Variants in IGSF11 observed in about 807,000 individuals in gnomAD.
The protein encoded by IGSF11 is CXADR like 1.
In IGSF11, 22 loss-of-function variants were observed where a neutral mutation model predicts 41.0. The observed-to-expected ratio is 0.54, with a 90% CI of 0.38 to 0.77. IGSF11 has a LOEUF of 0.77. IGSF11 is among the 30% of genes least tolerant of loss of function. The probability of loss-of-function intolerance (pLI) is 0.00; values close to 1 mark genes in which losing one functional copy is unlikely to be tolerated. For synonymous variants in IGSF11, 219 were observed against 201.3 expected (o/e 1.09, Z -0.74); for missense variants, 444 against 530.8 (o/e 0.84, Z 1.61).
At chr3:119,092,959 G>A (rs776028247) in intron 1 of IGSF11, among the ~76,000 whole-genome samples, 6 of 152,166 alleles carry the variant, frequency 3.9e-5, no homozygotes, top group Non-Finnish European at 8.8e-5. Context: ...GTGAGCATAT[G>A]GCCTAGGTGT....
intron 1 of IGSF11, among the ~76,000 whole-genome samples, chr3:119,062,658 A>G (rs1003422566): frequency 1.3e-5 from 2 of 152,240 alleles, no homozygotes; most frequent in Non-Finnish European, 2.9e-5. Flanking sequence ...ACTATGGTTT[A>G]GCAAGGTGGC....
chr3:119,024,910 A>T (rs899044581), intron 1 of IGSF11, among the ~76,000 whole-genome samples: 3 of 152,054 alleles, frequency 2.0e-5, no homozygotes, highest in Non-Finnish European at 4.4e-5. Context: ...CTTTGAACTG[A>T]CCCCTTCCTG....
chr3:119,066,203 A>T (rs1942229218), intron 1 of IGSF11, among the ~76,000 whole-genome samples: 2 of 152,216 alleles, frequency 1.3e-5, no homozygotes, highest in Admixed American at 6.5e-5. Context: ...GGATGATCTT[A>T]TCTCAAAATT....
intron 1 of IGSF11, among the ~76,000 whole-genome samples, chr3:119,006,592 GT>G (rs1937517118): frequency 8.2e-6 from 1 of 121,830 alleles, no homozygotes; most frequent in African/African-American, 3.5e-5. Flanking sequence ...CATCTTTGTG[GT>G]TTTATCTACT....
Position 119,034,695 on chromosome 3 carries a change from G to A in IGSF11, c.-113C>T, listed in dbSNP as rs73185835. The A allele has an allele frequency of 1.3e-5, 18 of 1,385,728 alleles. No homozygotes were observed. The highest frequency in any genetic ancestry group is 1.7e-5 in the Non-Finnish European group (18 of 1,062,360). 85.8% of individuals were successfully genotyped at this position (1,385,728 alleles called of 1,614,324 possible). ...GCAGCCTGGTCCTCCCACACCCAGC[G>A]CCGGGCCGCTGTTCCCCGCGCAGAG... On this transcript the variant is annotated 5_prime_UTR_variant, in exon 1 of 7. Transcript: ENST00000393775.
At chr3:119,037,699 CA>C (rs1160720810), upstream of IGSF11, among the ~76,000 whole-genome samples, 1 of 152,166 alleles carries the variant, frequency 6.6e-6, no homozygotes, top group Non-Finnish European at 1.5e-5. Flanking sequence ...CTCAACCCAT[CA>C]AAATGCTGGA....
At chr3:119,082,949 T>C (rs954279217) in intron 1 of IGSF11, among the ~76,000 whole-genome samples, 3 of 152,108 alleles carry the variant, frequency 2.0e-5, no homozygotes, top group Non-Finnish European at 2.9e-5. Context: ...GTAAAGATTA[T>C]ACAGACTTAA....
intron 1 of IGSF11, among the ~76,000 whole-genome samples, chr3:118,951,433 A>G (rs1944561458): frequency 6.6e-6 from 1 of 152,196 alleles, no homozygotes; most frequent in Non-Finnish European, 1.5e-5. Context: ...TCACACAGAT[A>G]CAACTACACA....
intron 1 of IGSF11, among the ~76,000 whole-genome samples, chr3:119,140,572 A>G (rs1486639503): frequency 2.0e-5 from 3 of 152,048 alleles, no homozygotes; most frequent in African/African-American, 4.8e-5. Flanking sequence ...TAAGCAGAAG[A>G]TCAACCAAGA....
In IGSF11 at chr3:119,094,223, TAAAAAAAAAAAAAAA is replaced by T. The variant is rs1175348778; in HGVS notation, c.49+10906_49+10920del. 2.0e-4 allele frequency among the ~76,000 whole-genome samples: 7 copies of T among 35,074 alleles called. 1 individual carries two copies. In the East Asian group the frequency reaches 7.9e-3, roughly 40 times the overall value. The allele number at this position is 35,074 out of a possible 152,430, so 23.0% of individuals were successfully genotyped here. A position where few individuals can be genotyped will look rare whatever the true frequency, so the allele number is the denominator to read the frequency against. ...TGGAAAGAAGGACTACATAGCGAAGTAAAAAAAAAAAAAAAAAAAAAAAAAAAAGTTGTTGTTCAA... is the reference window on the plus strand; with the variant it reads ...TGGAAAGAAGGACTACATAGCGAAGTAAAAAAAAAAAAAGTTGTTGTTCAA... On this transcript the variant is annotated intron_variant, in intron 1 of 6. Coordinates refer to the IGSF11 transcript ENST00000354673.
chr3:119,050,421 A>G (rs972844921), intron 1 of IGSF11, among the ~76,000 whole-genome samples: 58 of 152,358 alleles, frequency 3.8e-4, no homozygotes, highest in Admixed American at 9.1e-4. Context: ...GCCATCAGAG[A>G]AATGCAAATC....
At chr3:119,023,200 T>C (rs1188955089) in intron 1 of IGSF11, among the ~76,000 whole-genome samples, 1 of 129,392 alleles carries the variant, frequency 7.7e-6, no homozygotes, top group Admixed American at 9.7e-5. Flanking sequence ...GAGGCGGAGG[T>C]TGCAGTGAGC....
intron 1 of IGSF11, among the ~76,000 whole-genome samples, chr3:118,993,996 C>T (rs1295174974): frequency 1.3e-5 from 2 of 152,192 alleles, no homozygotes; most frequent in Admixed American, 6.5e-5. Flanking sequence ...GTACACTGTA[C>T]ATTGGTAAAT....
intron 1 of IGSF11, among the ~76,000 whole-genome samples, chr3:118,949,017 A>AT (rs1230473381): frequency 2.6e-5 from 4 of 151,676 alleles, no homozygotes; most frequent in African/African-American, 9.7e-5. Context: ...TAAAGGCACA[A>AT]TTTTTTTATA....
intron 4 of IGSF11, among the ~76,000 whole-genome samples, chr3:118,914,185 A>C (rs1019747743): frequency 1.3e-5 from 2 of 152,222 alleles, no homozygotes; most frequent in Non-Finnish European, 2.9e-5. Flanking sequence ...TATTCAAATA[A>C]TCAGTAGAAG....
chr3:118,930,742 A>G (rs1576400977), intron 1 of IGSF11, among the ~76,000 whole-genome samples: 1 of 152,368 alleles, frequency 6.6e-6, no homozygotes, highest in East Asian at 1.9e-4. Flanking sequence ...CAGTAAGACT[A>G]AATAAATGCA....
upstream of IGSF11, among the ~76,000 whole-genome samples, chr3:119,107,696 T>C (rs1162582944): frequency 6.6e-6 from 1 of 152,220 alleles, no homozygotes; most frequent in African/African-American, 2.4e-5. Context: ...GCCTAGGTTT[T>C]CTTCTAGGGT....
chr3:118,966,476 A>T (rs1475912622), intron 1 of IGSF11, among the ~76,000 whole-genome samples: 1 of 152,196 alleles, frequency 6.6e-6, no homozygotes. Context: ...CATAAGCTAA[A>T]TATCAGAAAA....
intron 1 of IGSF11, among the ~76,000 whole-genome samples, chr3:119,004,410 C>T (rs1197638894): frequency 6.6e-6 from 1 of 151,668 alleles, no homozygotes; most frequent in African/African-American, 2.4e-5. Context: ...TTTCAAAAAA[C>T]CAGCTCCTGG....
Sources: allele counts gnomAD v4.1 joint callset (sites outside exome capture counted in the v4.1 genomes callset), GRCh38; gene constraint gnomAD v4.1.1; transcripts MANE v1.5; gene names NCBI Gene and HGNC (gene_info 2026-07-23, HGNC 2026-07-21).